Variants in CTNNBL1 observed in about 807,000 individuals in gnomAD.
CTNNBL1 encodes beta-catenin-like protein 1.
CTNNBL1 carries 31 observed loss-of-function variants against 72.7 expected under a neutral mutation model. The observed-to-expected ratio is 0.43, with a 90% CI of 0.32 to 0.58. The LOEUF (loss-of-function observed/expected upper bound fraction) is 0.58. Among genes scored for constraint, CTNNBL1 ranks in the 20% least tolerant of loss-of-function variants. The probability of loss-of-function intolerance (pLI) is 0.08; values close to 1 mark genes in which losing one functional copy is unlikely to be tolerated. For synonymous variants in CTNNBL1, 240 were observed against 267.3 expected (o/e 0.90, Z 1.00); for missense variants, 534 against 725.1 (o/e 0.74, Z 3.03).
chr20:37,808,901 A>G (rs1442113331), intron 11 of CTNNBL1, among the ~76,000 whole-genome samples: 1 of 151,528 alleles, frequency 6.6e-6, no homozygotes, highest in East Asian at 1.9e-4. Context: ...CCTCCCCACC[A>G]CCCACTGTGG....
At chr20:37,749,350 T>TCAC in intron 4 of CTNNBL1, among the ~76,000 whole-genome samples, 1 of 152,220 alleles carries the variant, frequency 6.6e-6, no homozygotes, top group Non-Finnish European at 1.5e-5. Flanking sequence ...TTTTGCTGAT[T>TCAC]CACCAGCCTG....
At chr20:37,786,627 G>A (rs2073677140) in intron 10 of CTNNBL1, among the ~76,000 whole-genome samples, 1 of 152,010 alleles carries the variant, frequency 6.6e-6, no homozygotes, top group Admixed American at 6.5e-5. Flanking sequence ...TACAATGCTT[G>A]TAGCATTTTG....
chr20:37,822,229 G>A (rs1344441525), intron 11 of CTNNBL1, among the ~76,000 whole-genome samples: 1 of 152,304 alleles, frequency 6.6e-6, no homozygotes, highest in African/African-American at 2.4e-5. Context: ...TCCTGTGGCC[G>A]TGGTGTGGGT....
chr20:37,806,609 CAT>C (rs1486577800), intron 11 of CTNNBL1, among the ~76,000 whole-genome samples: 2 of 152,276 alleles, frequency 1.3e-5, no homozygotes, highest in African/African-American at 4.8e-5. Flanking sequence ...AATGGGTAAA[CAT>C]ATGTAACACA....
At chr20:37,838,138 TG>T (rs1272838756) in intron 11 of CTNNBL1, among the ~76,000 whole-genome samples, 1 of 152,180 alleles carries the variant, frequency 6.6e-6, no homozygotes, top group Non-Finnish European at 1.5e-5. Flanking sequence ...AAACAGCAAG[TG>T]CAGAAGCCCC....
At chr20:37,785,562 T>G (rs2122703614) in intron 10 of CTNNBL1, among the ~76,000 whole-genome samples, 1 of 152,384 alleles carries the variant, frequency 6.6e-6, no homozygotes, top group East Asian at 1.9e-4. Context: ...TCTGATGCAT[T>G]CTTCAGTATG....
chr20:37,845,660 T>A (rs2072341275), intron 13 of CTNNBL1, among the ~76,000 whole-genome samples: 1 of 152,192 alleles, frequency 6.6e-6, no homozygotes, highest in East Asian at 1.9e-4. Flanking sequence ...CAATACGACC[T>A]CCTTTTCACC....
At position 37,724,418 on chromosome 20, in the gene CTNNBL1, G is replaced by C. The variant is rs573521378; in HGVS notation, c.31-8461G>C. On this transcript the variant is annotated intron_variant, in intron 1 of 15. Transcript: ENST00000361383. ...TAGAAATGTTTTACATTTCCTTAAG[G>C]GGGGAAGTATTAGAAGTATTAGGAA... is the stretch of plus-strand genomic sequence containing the variant. Among the ~76,000 whole-genome samples, 6 of 152,206 alleles carry C rather than the reference G, an allele frequency of 3.9e-5. No individual in the cohort carries two copies. The East Asian group carries it at 1.2e-3, about 29-fold the overall frequency.
chr20:37,859,322 A>C (rs1432861995), intron 13 of CTNNBL1, among the ~76,000 whole-genome samples: 7 of 149,862 alleles, frequency 4.7e-5, no homozygotes, highest in Non-Finnish European at 8.9e-5. Flanking sequence ...GCGCCTTTGC[A>C]CTCCAGCCTG....
At chr20:37,813,566 T>C (rs1454061657) in intron 11 of CTNNBL1, among the ~76,000 whole-genome samples, 3 of 152,242 alleles carry the variant, frequency 2.0e-5, no homozygotes, top group Non-Finnish European at 2.9e-5. Flanking sequence ...GTTTTTCTTT[T>C]GTGTTTTTCA....
intron 15 of CTNNBL1, among the ~76,000 whole-genome samples, chr20:37,870,544 T>C (rs1476744242): frequency 6.6e-6 from 1 of 152,156 alleles, no homozygotes; most frequent in African/African-American, 2.4e-5. Context: ...GTAAATCCTA[T>C]TGGAGCCACC....
rs1568815661 is a variant in CTNNBL1, at chr20:37,859,965, G to C, written c.1459G>C (p.Asp487His). 1 of 1,614,204 alleles carries C rather than the reference G, an allele frequency of 6.2e-7. No individual in the cohort carries two copies. The highest frequency in any genetic ancestry group is 8.5e-7 in the Non-Finnish European group (1 of 1,180,046). ...GGAGGAGTTCTACCTCCGGCGCCTG[G>C]ATGCGGGGCTCTTTGTTCTCCAGCA... The part of the protein sequence containing the change: ...TEEEFYLRRL[D>H]AGLFVLQHIC... The change falls in exon 14 of 16, where the codon GAT becomes CAT. Residue 487 changes from aspartate to histidine, a missense_variant. By Grantham distance (81) the Asp-to-His change is moderately conservative. Coordinates refer to ENST00000361383, the MANE Select transcript of CTNNBL1 (RefSeq NM_030877.5).
intron 10 of CTNNBL1, among the ~76,000 whole-genome samples, chr20:37,796,463 T>A (rs1225513769): frequency 2.0e-5 from 3 of 151,614 alleles, no homozygotes; most frequent in East Asian, 1.9e-4. Context: ...TTTTTTTTTT[T>A]AACTTTCAGG....
intron 10 of CTNNBL1, among the ~76,000 whole-genome samples, chr20:37,794,862 T>C (rs2073758162): frequency 6.6e-6 from 1 of 152,158 alleles, no homozygotes; most frequent in East Asian, 1.9e-4. Context: ...AGGGTTTTTC[T>C]GGGAGTTTTT....
chr20:37,846,190 AG>A (rs1390901216), intron 13 of CTNNBL1, among the ~76,000 whole-genome samples: 1 of 151,660 alleles, frequency 6.6e-6, no homozygotes, highest in African/African-American at 2.4e-5. Context: ...CCTAAACTCT[AG>A]GGGGGCTAGT....
intron 15 of CTNNBL1, among the ~76,000 whole-genome samples, chr20:37,868,971 A>G (rs1309862363): frequency 6.6e-6 from 1 of 152,134 alleles, no homozygotes; most frequent in Admixed American, 6.5e-5. Context: ...TGGGGCAGCA[A>G]CTATATCATT....
chr20:37,824,898 A>G (rs991267932), intron 11 of CTNNBL1, among the ~76,000 whole-genome samples: 13 of 152,350 alleles, frequency 8.5e-5, no homozygotes, highest in African/African-American at 3.1e-4. Flanking sequence ...GGGCAGAAGG[A>G]CACGTGTCCC....
rs1032751384 is a variant in CTNNBL1, at chr20:37,803,333, G to A, written c.1213+285G>A. Reference sequence around the variant, plus strand: ...TGTTTTCTTCACTATAATTTGTAGCGAGGTGTCTCTCTGATGGAAGACCCT... The same window carrying A: ...TGTTTTCTTCACTATAATTTGTAGCAAGGTGTCTCTCTGATGGAAGACCCT... On this transcript the variant is annotated intron_variant, in intron 11 of 15. Coordinates refer to ENST00000361383, the MANE Select transcript of CTNNBL1 (RefSeq NM_030877.5). Among the ~76,000 whole-genome samples the A allele has an allele frequency of 3.3e-5, 5 of 152,102 alleles. No homozygotes were observed. In the South Asian group the frequency reaches 8.3e-4, roughly 25 times the overall value.
chr20:37,738,510 C>T (rs902653657), intron 3 of CTNNBL1, among the ~76,000 whole-genome samples: 1 of 152,128 alleles, frequency 6.6e-6, no homozygotes, highest in Non-Finnish European at 1.5e-5. Context: ...ATGTTCTAAA[C>T]CTCTCTTTCT....
Sources: allele counts gnomAD v4.1 joint callset (sites outside exome capture counted in the v4.1 genomes callset), GRCh38; gene constraint gnomAD v4.1.1; transcripts MANE v1.5; gene names NCBI Gene and HGNC (gene_info 2026-07-23, HGNC 2026-07-21).